The following CTDSPL2 variants were observed in gnomAD, a reference collection of about 807,000 sequenced individuals.
CTDSPL2 encodes the protein CTD small phosphatase like 2, also known as CTD small phosphatase-like protein 2.
A neutral mutation model predicts 60.0 loss-of-function variants in CTDSPL2; 5 were observed. That is an observed-to-expected ratio of 0.08 (90% CI 0.04 to 0.18). The LOEUF is 0.18. Among genes scored for constraint, CTDSPL2 ranks in the 10% least tolerant of loss-of-function variants. The probability of loss-of-function intolerance (pLI) is 1.00; values close to 1 mark genes in which losing one functional copy is unlikely to be tolerated. For synonymous variants in CTDSPL2, 186 were observed against 189.3 expected (o/e 0.98, Z 0.14); for missense variants, 370 against 548.8 (o/e 0.67, Z 3.26).
intron 5 of CTDSPL2, among the ~76,000 whole-genome samples, chr15:44,494,115 G>A (rs555105173): frequency 3.9e-5 from 6 of 152,124 alleles, no homozygotes; most frequent in South Asian, 4.2e-4. Context: ...TATCTGAGAC[G>A]TTACCTATTT....
At chr15:44,473,764 G>T (rs180988001) in intron 2 of CTDSPL2, among the ~76,000 whole-genome samples, 111 of 152,242 alleles carry the variant, frequency 7.3e-4, no homozygotes, top group Middle Eastern at 3.4e-3. Context: ...TTGAGAAACT[G>T]CCCAGCTATT....
chr15:44,487,559 A>G (rs962599587), intron 4 of CTDSPL2, among the ~76,000 whole-genome samples: 1 of 152,214 alleles, frequency 6.6e-6, no homozygotes, highest in African/African-American at 2.4e-5. Flanking sequence ...CGAATCTGGA[A>G]AAGTGGCAAA....
intron 2 of CTDSPL2, among the ~76,000 whole-genome samples, chr15:44,467,800 C>G (rs1048319933): frequency 6.6e-6 from 1 of 152,154 alleles, no homozygotes; most frequent in Non-Finnish European, 1.5e-5. Flanking sequence ...GTCTTGAACT[C>G]CTGACCTCAA....
At chr15:44,509,336 G>A (rs926263718) in intron 8 of CTDSPL2, among the ~76,000 whole-genome samples, 3 of 151,930 alleles carry the variant, frequency 2.0e-5, no homozygotes, top group African/African-American at 4.8e-5. Flanking sequence ...CAAGTAGCTG[G>A]GACTACAGGC....
intron 2 of CTDSPL2, among the ~76,000 whole-genome samples, chr15:44,478,035 A>G (rs2080953872): frequency 1.3e-5 from 2 of 152,082 alleles, no homozygotes; most frequent in African/African-American, 4.8e-5. Context: ...ATTACATGCT[A>G]TCCTTTATTC....
chr15:44,485,443 T>A (rs1021547091), intron 3 of CTDSPL2, among the ~76,000 whole-genome samples: 5 of 152,236 alleles, frequency 3.3e-5, no homozygotes, highest in African/African-American at 1.2e-4. Context: ...GGTTTCAGGA[T>A]GAAACTGTTC....
chr15:44,469,219 C>T (rs1334611528), intron 2 of CTDSPL2, among the ~76,000 whole-genome samples: 2 of 152,114 alleles, frequency 1.3e-5, no homozygotes, highest in East Asian at 1.9e-4. Flanking sequence ...AAAGGTGTCA[C>T]GTGAGCATAA....
At chr15:44,475,636 C>T (rs1482687046) in intron 2 of CTDSPL2, among the ~76,000 whole-genome samples, 1 of 19,868 alleles carries the variant, frequency 5.0e-5, no homozygotes, top group Non-Finnish European at 1.4e-4. Context: ...AAGACTTCGT[C>T]TCAAAAAAAA....
chr15:44,521,950 A>AAAG (rs2081781880), intron 12 of CTDSPL2, among the ~76,000 whole-genome samples: 4 of 149,728 alleles, frequency 2.7e-5, no homozygotes, highest in Non-Finnish European at 6.0e-5. Context: ...AAAAAAAAAA[A>AAAG]AAAAAAAAAA....
At chr15:44,482,028 T>C (rs933061495) in intron 2 of CTDSPL2, among the ~76,000 whole-genome samples, 1 of 152,230 alleles carries the variant, frequency 6.6e-6, no homozygotes, top group Non-Finnish European at 1.5e-5. Flanking sequence ...GCTTCACTTT[T>C]CCCATAAGCC....
chr15:44,441,959 A>G (rs1391540530), intron 1 of CTDSPL2, among the ~76,000 whole-genome samples: 4 of 152,184 alleles, frequency 2.6e-5, no homozygotes, highest in African/African-American at 7.2e-5. Context: ...AAGGGTTTGA[A>G]TTGGTTAGAT....
In CTDSPL2 at chr15:44,521,298, T is replaced by C. The variant is rs2081762828; in HGVS notation, c.1240-13T>C. On this transcript the variant is annotated splice_polypyrimidine_tract_variant and intron_variant, in intron 11 of 12. Coordinates refer to ENST00000260327, the MANE Select transcript of CTDSPL2 (RefSeq NM_016396.3). ...AAGTAAAAGAGGATTTAATTACTTA[T>C]TTATTGTTTTAGCTTTCTAATGGAA... 3 of 1,244,256 alleles carry C rather than the reference T, an allele frequency of 2.4e-6. No homozygotes were observed. Among genetic ancestry groups the C allele is most frequent in the Non-Finnish European group, 3.4e-6 (3 of 869,676 alleles). The allele number at this position is 1,244,256 out of a possible 1,614,324, so 77.1% of individuals were successfully genotyped here.
chr15:44,443,943 C>T (rs1216418412), intron 1 of CTDSPL2, among the ~76,000 whole-genome samples: 3 of 152,110 alleles, frequency 2.0e-5, no homozygotes, highest in African/African-American at 7.2e-5. Context: ...TACTGTGTCA[C>T]CCAGGCTGGA....
intron 2 of CTDSPL2, among the ~76,000 whole-genome samples, chr15:44,463,141 GTTGA>G (rs770677666): frequency 5.3e-5 from 8 of 151,896 alleles, no homozygotes; most frequent in Non-Finnish European, 8.8e-5. Context: ...GTAAGCTAAT[GTTGA>G]TTGATTGATT....
chr15:44,522,031 T>C, intron 12 of CTDSPL2, among the ~76,000 whole-genome samples: 1 of 150,922 alleles, frequency 6.6e-6, no homozygotes, highest in Non-Finnish European at 1.5e-5. Context: ...AAAAAGATTA[T>C]GTGCATTTTC....
chr15:44,457,837 C>T (rs1005991890), intron 1 of CTDSPL2, among the ~76,000 whole-genome samples: 4 of 152,224 alleles, frequency 2.6e-5, no homozygotes, highest in Non-Finnish European at 5.9e-5. Context: ...GTCTGGAACT[C>T]CTGACTTCAG....
intron 3 of CTDSPL2, among the ~76,000 whole-genome samples, chr15:44,485,718 C>G (rs560549112): frequency 6.6e-6 from 1 of 152,078 alleles, no homozygotes; most frequent in Non-Finnish European, 1.5e-5. Context: ...ACTGTTTTAA[C>G]GAATGCTATC....
At chr15:44,430,788 T>A (rs942701627) in intron 1 of CTDSPL2, among the ~76,000 whole-genome samples, 3 of 152,126 alleles carry the variant, frequency 2.0e-5, no homozygotes, top group African/African-American at 7.2e-5. Context: ...CTGATTGTTT[T>A]AAGTAAATTG....
intron 1 of CTDSPL2, among the ~76,000 whole-genome samples, chr15:44,431,838 C>G (rs1012159832): frequency 5.3e-5 from 8 of 151,604 alleles, no homozygotes; most frequent in Non-Finnish European, 1.2e-4. Context: ...CTGCCTCAGC[C>G]TCCCAAGCAG....
Sources: gnomAD v4.1 joint callset for allele counts (sites outside exome capture counted in the v4.1 genomes callset) on GRCh38, gnomAD v4.1.1 for gene constraint, MANE v1.5 for transcripts, NCBI Gene and HGNC (gene_info 2026-07-23, HGNC 2026-07-21) for gene names.